Variants in ANGPT1 observed in about 807,000 individuals in gnomAD.
ANGPT1 encodes the protein angiopoietin-1.
ANGPT1 carries 17 observed loss-of-function variants against 62.2 expected under a neutral mutation model. The ratio of observed to expected loss-of-function variants is 0.27; its 90% CI spans 0.19 to 0.41. The LOEUF (loss-of-function observed/expected upper bound fraction) is 0.41, where lower values mean the gene tolerates loss of function less well. Among genes scored for constraint, ANGPT1 ranks in the 10% least tolerant of loss-of-function variants. The pLI, the probability that ANGPT1 is intolerant of heterozygous loss-of-function variation, is 1.00. For missense variants in ANGPT1, 478 were observed against 594.9 expected, an observed-to-expected ratio of 0.80 and a Z score of 2.04; for synonymous variants, 199 against 198.9, an observed-to-expected ratio of 1.00 and a Z score of 0.00.
At chr8:107,472,875 T>C (rs1290928205) in intron 1 of ANGPT1, among the ~76,000 whole-genome samples, 1 of 152,032 alleles carries the variant, frequency 6.6e-6, no homozygotes, top group Non-Finnish European at 1.5e-5. Flanking sequence ...GATTTATCTT[T>C]TTGTTAAAGA....
At chr8:107,441,267 T>G (rs997208696) in intron 1 of ANGPT1, among the ~76,000 whole-genome samples, 11 of 152,228 alleles carry the variant, frequency 7.2e-5, no homozygotes, top group African/African-American at 2.4e-4. Context: ...AGTTCTCTCA[T>G]ATAATATTGT....
intron 1 of ANGPT1, among the ~76,000 whole-genome samples, chr8:107,482,592 G>T (rs983155556): frequency 6.6e-6 from 1 of 152,152 alleles, no homozygotes; most frequent in South Asian, 2.1e-4. Flanking sequence ...GATTCAAGGG[G>T]AGGGGAACTC....
At position 107,438,507 on chromosome 8, in the gene ANGPT1, G is replaced by T. The variant is rs562545331; in HGVS notation, c.297+58755C>A. On this transcript the variant is annotated intron_variant, in intron 1 of 8. Transcript: ENST00000517746. ...TTACAAAATATGTTCCTAGTAGAAAGGTGGTAATTTTATTCTAAACACGGA... is the reference window on the plus strand; with the variant it reads ...TTACAAAATATGTTCCTAGTAGAAATGTGGTAATTTTATTCTAAACACGGA... 3.9e-5 allele frequency among the ~76,000 whole-genome samples: 6 copies of T among 152,218 alleles called. No homozygotes were observed. The South Asian group carries it at 1.0e-3, about 26-fold the overall frequency.
Position 107,324,661 on chromosome 8 carries a change from A to C in ANGPT1, c.576-2533T>G, listed in dbSNP as rs79602245. Among the ~76,000 whole-genome samples the C allele has an allele frequency of 6.2e-3, 940 of 152,312 alleles. 15 individuals are homozygous for C. Among genetic ancestry groups the C allele is most frequent in the African/African-American group, 0.021 (887 of 41,566 alleles). On this transcript the variant is annotated intron_variant, in intron 3 of 8. Transcript: ENST00000517746. Reference sequence around the variant, plus strand: ...CTCCTGGGCATTCCAAATCTTTGCCAACAAACTTGTACTCGAAGAATATGG... The same window carrying C: ...CTCCTGGGCATTCCAAATCTTTGCCCACAAACTTGTACTCGAAGAATATGG...
In ANGPT1 at chr8:107,268,406, TTGTGTGTG is replaced by T. The variant is rs10655133; in HGVS notation, c.1206-4063_1206-4056del. Reference sequence around the variant, plus strand: ...ATAATTAAAAAATACACATGTAGGGTTGTGTGTGTGTGTGTGTGTGTGTGTGTGTGTGT... The same window carrying T: ...ATAATTAAAAAATACACATGTAGGGTTGTGTGTGTGTGTGTGTGTGTGTGT... On this transcript the variant is annotated intron_variant, in intron 7 of 8. Coordinates refer to ENST00000517746, the MANE Select transcript of ANGPT1 (RefSeq NM_001146.5). Among the ~76,000 whole-genome samples, 174 of 144,648 alleles carry T rather than the reference TTGTGTGTG, an allele frequency of 1.2e-3. 4 individuals are homozygous for T. The East Asian group carries it at 0.031, about 26-fold the overall frequency. The allele number at this position is 144,648 out of a possible 152,430, so 94.9% of individuals were successfully genotyped here.
intron 1 of ANGPT1, among the ~76,000 whole-genome samples, chr8:107,469,733 G>T (rs1248128561): frequency 6.6e-6 from 1 of 151,984 alleles, no homozygotes; most frequent in African/African-American, 2.4e-5. Flanking sequence ...CCTACTTTAT[G>T]CAATTTTATC....
intron 1 of ANGPT1, among the ~76,000 whole-genome samples, chr8:107,377,067 A>C (rs1344076201): frequency 6.6e-6 from 1 of 152,162 alleles, no homozygotes; most frequent in African/African-American, 2.4e-5. Context: ...AATGAAGTGT[A>C]AGGATGAAGC....
chr8:107,300,351 C>T (rs1814557802), intron 5 of ANGPT1, among the ~76,000 whole-genome samples: 1 of 151,484 alleles, frequency 6.6e-6, no homozygotes, highest in African/African-American at 2.4e-5. Context: ...TTTTTACCTG[C>T]AAAAATGTGT....
intron 7 of ANGPT1, among the ~76,000 whole-genome samples, chr8:107,274,385 T>A (rs1332059015): frequency 6.6e-6 from 1 of 152,104 alleles, no homozygotes; most frequent in Admixed American, 6.6e-5. Context: ...AGAGAGTAAT[T>A]TTAGTAAAGT....
chr8:107,406,602 G>A (rs917066735), intron 1 of ANGPT1, among the ~76,000 whole-genome samples: 10 of 151,958 alleles, frequency 6.6e-5, no homozygotes, highest in African/African-American at 2.4e-4. Context: ...ATATAAGTAT[G>A]TAGTCTTTCG....
At chr8:107,318,466 T>C (rs1178805237) in intron 4 of ANGPT1, among the ~76,000 whole-genome samples, 1 of 152,194 alleles carries the variant, frequency 6.6e-6, no homozygotes, top group Non-Finnish European at 1.5e-5. Context: ...AGTACATGTC[T>C]AGCCAACACT....
intron 1 of ANGPT1, among the ~76,000 whole-genome samples, chr8:107,410,651 A>G (rs745509): frequency 0.14 from 21,071 of 152,226 alleles, 1,759 homozygotes; most frequent in Non-Finnish European, 0.2. Flanking sequence ...ATGTTTCATT[A>G]ATTATATATA....
At chr8:107,363,149 T>C (rs1408675126) in intron 1 of ANGPT1, among the ~76,000 whole-genome samples, 1 of 151,724 alleles carries the variant, frequency 6.6e-6, no homozygotes, top group Admixed American at 6.6e-5. Flanking sequence ...TTTACTTCTG[T>C]GAGATAAATA....
At chr8:107,288,975 T>C (rs770271664) in intron 6 of ANGPT1, among the ~76,000 whole-genome samples, 1 of 152,164 alleles carries the variant, frequency 6.6e-6, no homozygotes, top group Non-Finnish European at 1.5e-5. Context: ...TGTGCTGATA[T>C]TGAAAAAGCA....
At chr8:107,384,460 A>G (rs981002225) in intron 1 of ANGPT1, among the ~76,000 whole-genome samples, 1 of 149,748 alleles carries the variant, frequency 6.7e-6, no homozygotes, top group Non-Finnish European at 1.5e-5. Flanking sequence ...CAAAAAAAAA[A>G]TAGACTTTGC....
chr8:107,279,732 T>A (rs1037982965), intron 7 of ANGPT1, among the ~76,000 whole-genome samples: 1 of 147,762 alleles, frequency 6.8e-6, no homozygotes, highest in African/African-American at 2.5e-5. Flanking sequence ...CACACACACA[T>A]ACACACACAC....
chr8:107,493,305 C>G (rs1813012880), intron 1 of ANGPT1, among the ~76,000 whole-genome samples: 1 of 150,550 alleles, frequency 6.6e-6, no homozygotes, highest in Admixed American at 6.7e-5. Flanking sequence ...TAACATGATA[C>G]AGTCAATGTA....
chr8:107,397,977 C>G (rs1003601052), intron 1 of ANGPT1, among the ~76,000 whole-genome samples: 1 of 152,152 alleles, frequency 6.6e-6, no homozygotes, highest in Non-Finnish European at 1.5e-5. Context: ...TGAATTATTA[C>G]CAGATTATCA....
chr8:107,395,591 C>T (rs1032435496), intron 1 of ANGPT1, among the ~76,000 whole-genome samples: 2 of 152,014 alleles, frequency 1.3e-5, no homozygotes, highest in Non-Finnish European at 1.5e-5. Context: ...TATAAATACC[C>T]CTCTGTAATA....
Sources: gnomAD v4.1 joint callset for allele counts (sites outside exome capture counted in the v4.1 genomes callset) on GRCh38, gnomAD v4.1.1 for gene constraint, MANE v1.5 for transcripts, NCBI Gene and HGNC (gene_info 2026-07-23, HGNC 2026-07-21) for gene names.